The following MTFMT variants were observed in gnomAD, a reference collection of about 807,000 sequenced individuals.
The protein encoded by MTFMT is mitochondrial methionyl-tRNA formyltransferase, also known as methionyl-tRNA formyltransferase, mitochondrial.
MTFMT carries 47 observed loss-of-function variants against 51.8 expected under a neutral mutation model. The ratio of observed to expected loss-of-function variants is 0.91; its 90% CI spans 0.72 to 1.16. MTFMT has a LOEUF of 1.16. Ranked by LOEUF, MTFMT falls within the 50% of genes most tolerant of loss-of-function variation. The pLI is 0.00. For synonymous variants in MTFMT, 196 were observed against 176.7 expected (o/e 1.11, Z -0.87); for missense variants, 512 against 482.3 (o/e 1.06, Z -0.58).
intron 1 of MTFMT, among the ~76,000 whole-genome samples, chr15:65,027,373 T>C (rs2086434726): frequency 1.3e-5 from 2 of 151,874 alleles, no homozygotes; most frequent in African/African-American, 4.8e-5. Context: ...AATTTTTGTG[T>C]TTTTTAGTGG....
At chr15:65,007,764 T>C (rs1311140519) in intron 6 of MTFMT, among the ~76,000 whole-genome samples, 1 of 152,220 alleles carries the variant, frequency 6.6e-6, no homozygotes, top group Non-Finnish European at 1.5e-5. Context: ...TTATGCCCTT[T>C]GGTTATATTT....
chr15:65,029,429 G>C lies in MTFMT; in HGVS notation c.185C>G (p.Ala62Gly), dbSNP rs763779460. The C allele has an allele frequency of 1.4e-5, 21 of 1,503,240 alleles. No homozygotes were observed. In the East Asian group the frequency reaches 1.9e-4, roughly 14 times the overall value. 93.1% of individuals were successfully genotyped at this position (1,503,240 alleles called of 1,614,324 possible). ...CCTGGCGGCGTGCAGCGCCCGCAGCGCCTCGCGGGCGAACTGGTCCGTGCC... is the reference window on the plus strand; with the variant it reads ...CCTGGCGGCGTGCAGCGCCCGCAGCCCCTCGCGGGCGAACTGGTCCGTGCC... ...FFGTDQFARE[A>G]LRALHAAREN... Residue 62 changes from alanine (A) to glycine (G), a missense_variant, in exon 1 of 9, where the codon GCG becomes GGG. Physicochemically the swap from Ala to Gly is moderately conservative, Grantham distance 60. Transcript: ENST00000220058.
intron 1 of MTFMT, among the ~76,000 whole-genome samples, chr15:65,028,182 G>A (rs2086443996): frequency 6.6e-6 from 1 of 152,322 alleles, no homozygotes; most frequent in Admixed American, 6.5e-5. Flanking sequence ...CACTTTGGGA[G>A]GCCAAGGTGA....
intron 8 of MTFMT, among the ~76,000 whole-genome samples, chr15:65,003,690 T>TTACAAAAA (rs968670166): frequency 6.7e-6 from 1 of 150,328 alleles, no homozygotes; most frequent in African/African-American, 2.4e-5. Flanking sequence ...AACCCCGTCC[T>TTACAAAAA]TACAAAAATA....
chr15:65,026,909 C>A lies in MTFMT; in HGVS notation c.341G>T (p.Gly114Val). Residue 114 changes from glycine (G) to valine (V), a missense_variant, in exon 2 of 9, where the codon GGA becomes GTA. Transcript: ENST00000220058. ...TACTCCAACATCATATTCTCCAGAT[C>A]CCACATCCGGCCACTCATATACGGG... ...QLPVYEWPDVGSGEYDVGVVA... is the reference protein window; with the variant it reads ...QLPVYEWPDVVSGEYDVGVVA... 1.9e-6 allele frequency: 3 copies of A among 1,614,018 alleles called. No individual in the cohort carries two copies. Among genetic ancestry groups the A allele is most frequent in the Non-Finnish European group, 2.5e-6 (3 of 1,179,900 alleles).
Position 65,029,605 on chromosome 15 carries a change from C to G in MTFMT, c.9G>C (p.Val3=), listed in dbSNP as rs994088488. Residue 3 remains valine (V), a synonymous_variant, in exon 1 of 9, where the codon GTG becomes GTC. Coordinates refer to ENST00000220058, the MANE Select transcript of MTFMT (RefSeq NM_139242.4). ...GAGGACCCCAACAGCGCCGCACCAA[C>G]ACCCTCATCGCCTCGGCCGCCGGCG... MR[V]LVRRCWGPPL... 2 of 1,423,100 alleles carry G rather than the reference C, an allele frequency of 1.4e-6. No homozygotes were observed. The highest frequency in any genetic ancestry group is 3.0e-5 in the African/African-American group (2 of 67,096). The allele number at this position is 1,423,100 out of a possible 1,614,324, so 88.2% of individuals were successfully genotyped here. A position where few individuals can be genotyped will look rare whatever the true frequency, so the allele number is the denominator to read the frequency against.
chr15:65,023,938 T>A (rs2086397796), intron 2 of MTFMT, 144 bp from the exon 3 acceptor site: 1 of 648,410 alleles, frequency 1.5e-6, no homozygotes, highest in South Asian at 2.6e-5. Flanking sequence ...TCGTATCACC[T>A]GAAAGGAAAA....
chr15:65,016,674 AAAT>A (rs1341207054), intron 5 of MTFMT, 147 bp from the exon 6 acceptor site: 5 of 387,596 alleles, frequency 1.3e-5, no homozygotes, highest in Non-Finnish European at 1.8e-5. Flanking sequence ...TATCAAGTAA[AAAT>A]AATAAATAAA....
chr15:65,026,598 A>G, intron 2 of MTFMT: 2 of 475,264 alleles, frequency 4.2e-6, no homozygotes, highest in Non-Finnish European at 7.5e-6. Context: ...CTGTGTTTGC[A>G]GCATTCCTTG....
At chr15:65,003,419 C>CT (rs1365883282) in intron 8 of MTFMT, among the ~76,000 whole-genome samples, 163 bp from the exon 9 acceptor site, 1 of 152,122 alleles carries the variant, frequency 6.6e-6, no homozygotes, top group Non-Finnish European at 1.5e-5. Flanking sequence ...TGTAGAATTC[C>CT]TTGACTCTAT....
intron 1 of MTFMT, 186 bp downstream of exon 1, chr15:65,029,219 G>A: frequency 1.0e-6 from 1 of 965,966 alleles, no homozygotes; most frequent in Non-Finnish European, 1.2e-6. Flanking sequence ...CAGGTACTAG[G>A]CGCCCAAAGG....
At chr15:65,006,027 T>C in intron 7 of MTFMT, 86 bp downstream of exon 7, 1 of 869,736 alleles carries the variant, frequency 1.1e-6, no homozygotes, top group Non-Finnish European at 1.8e-6. Flanking sequence ...TTATTTTTAG[T>C]AATTGTGACA....
chr15:65,004,981 T>C, intron 7 of MTFMT, 45 bp from the exon 8 acceptor site: 5 of 1,334,396 alleles, frequency 3.7e-6, no homozygotes, highest in Non-Finnish European at 5.4e-6. Context: ...AAAAAAGCAA[T>C]TATGCAACTT....
At chr15:65,023,081 C>G (rs1027880522) in intron 3 of MTFMT, among the ~76,000 whole-genome samples, 13 of 152,162 alleles carry the variant, frequency 8.5e-5, no homozygotes, top group Non-Finnish European at 1.8e-4. Context: ...CCAGATACCA[C>G]GTTGTTCTTG....
chr15:65,015,132 C>T lies in MTFMT; in HGVS notation c.813+1304G>A, dbSNP rs76089335. Among the ~76,000 whole-genome samples the T allele has an allele frequency of 0.011, 1,612 of 152,152 alleles. 63 individuals are homozygous for T. In the South Asian group the frequency reaches 0.12, roughly 12 times the overall value. On this transcript the variant is annotated intron_variant, in intron 6 of 8. Transcript: ENST00000220058. ...TACAAGATGCTGTAAATATATTATA[C>T]CAGCCCTGATATTCCAAGGAACAAA...
At chr15:65,011,539 A>C (rs1307469798) in intron 6 of MTFMT, among the ~76,000 whole-genome samples, 2 of 116,210 alleles carry the variant, frequency 1.7e-5, no homozygotes, top group East Asian at 6.5e-4. Flanking sequence ...TTTGTCACCC[A>C]GGATGAAACA....
At chr15:65,028,668 G>GA (rs567708996) in intron 1 of MTFMT, among the ~76,000 whole-genome samples, 10 of 152,092 alleles carry the variant, frequency 6.6e-5, no homozygotes, top group Non-Finnish European at 1.3e-4. Context: ...GACTGCGTCA[G>GA]AAAAAAACAG....
chr15:65,019,542 T>TTC (rs1566942859), intron 5 of MTFMT, among the ~76,000 whole-genome samples: 1 of 151,580 alleles, frequency 6.6e-6, no homozygotes, highest in Admixed American at 6.6e-5. Context: ...TTATAGGAAA[T>TTC]ATAAGAGATA....
intron 6 of MTFMT, among the ~76,000 whole-genome samples, chr15:65,014,322 A>ATTTTTT (rs35599676): frequency 5.7e-5 from 7 of 123,096 alleles, no homozygotes; most frequent in African/African-American, 1.2e-4. Flanking sequence ...ACACTATTTG[A>ATTTTTT]TTTTTTTTTT....
Sources: allele counts gnomAD v4.1 joint callset (sites outside exome capture counted in the v4.1 genomes callset), GRCh38; gene constraint gnomAD v4.1.1; transcripts MANE v1.5; gene names NCBI Gene and HGNC (gene_info 2026-07-23, HGNC 2026-07-21).